The following NOP2 variants were observed in gnomAD, a reference collection of about 807,000 sequenced individuals.
NOP2 encodes the protein 28S rRNA (cytosine(4447)-C(5))-methyltransferase.
Under a neutral mutation model 72.7 loss-of-function variants are expected in NOP2, and 7 were observed. The ratio of observed to expected loss-of-function variants is 0.10; its 90% CI spans 0.05 to 0.18. NOP2 has a LOEUF of 0.18. Among genes scored for constraint, NOP2 ranks in the 10% least tolerant of loss-of-function variants. The pLI is 1.00. For missense variants in NOP2, 954 were observed against 1,014.7 expected, an observed-to-expected ratio of 0.94 and a Z score of 0.81; for synonymous variants, 387 against 388.0, an observed-to-expected ratio of 1.00 and a Z score of 0.03.
In NOP2 at chr12:6,560,949, A is replaced by G; in HGVS notation, c.1329T>C (p.Asp443=). The stretch of plus-strand genomic sequence containing the variant: ...GTCTCACCTTGGGGAACTGGCGCCC[A>G]TCATAGTGGCTGATAATGGTGTTGG... ...GVTNTIISHY[D]GRQFPKVVGG... Residue 443 remains aspartate (D), a synonymous_variant, in exon 12 of 16, where the codon GAT becomes GAC. Transcript: ENST00000322166. This position sits in a 1 kb window ranked among gnomAD's most constrained non-coding sequence, Gnocchi z 5.0. 1 of 1,613,938 alleles carries G rather than the reference A, an allele frequency of 6.2e-7. No individual in the cohort carries two copies. Among genetic ancestry groups the G allele is most frequent in the South Asian group, 1.1e-5 (1 of 91,054 alleles).
At chr12:6,568,131 T>C (rs1947836700) in intron 1 of NOP2, 76 bp downstream of exon 1, 1 of 581,522 alleles carries the variant, frequency 1.7e-6, no homozygotes, top group Non-Finnish European at 3.1e-6. Context: ...GAAACCCAGG[T>C]AGCGCACCCT....
Position 6,566,293 on chromosome 12 carries a change from G to A in NOP2, c.282C>T (p.Pro94=). 6.2e-7 allele frequency: 1 copy of A among 1,613,824 alleles called. No individual in the cohort carries two copies. The highest frequency in any genetic ancestry group is 8.5e-7 in the Non-Finnish European group (1 of 1,179,850). ...CTCGAGGAGCATTAAATAGGGACTG[G>A]GGTCCCTTCTTACCAGCTGTCTGGA... ...GAVQTAGKKG[P]QSLFNAPRGK... The change falls in exon 5 of 16, where the codon CCC becomes CCT. Residue 94 remains proline (P), a synonymous_variant. Transcript: ENST00000322166.
chr12:6,560,974 G>A lies in NOP2; in HGVS notation c.1304C>T (p.Thr435Ile), dbSNP rs1176802288. Residue 435 changes from threonine (T) to isoleucine (I), a missense_variant, in exon 12 of 16, where the codon ACC (threonine) becomes ATC (isoleucine). Thr to Ile is a moderately conservative substitution (Grantham distance 89, BLOSUM62 -1). This residue lies in a region of NOP2 where 187 missense variants were observed against 276.2 expected (regional missense o/e 0.68). Coordinates refer to ENST00000322166, the MANE Select transcript of NOP2 (RefSeq NM_001258308.2). The surrounding 1 kb of genome is among the most constrained non-coding windows in gnomAD (Gnocchi z 5.0). ...VVGNLHRLGVTNTIISHYDGR... is the reference protein window; with the variant it reads ...VVGNLHRLGVINTIISHYDGR... Reference sequence around the variant, plus strand: ...ATCATAGTGGCTGATAATGGTGTTGGTGACTCCCAGCCGATGCAAGTTGCC... The same window carrying A: ...ATCATAGTGGCTGATAATGGTGTTGATGACTCCCAGCCGATGCAAGTTGCC... 1.9e-6 allele frequency: 3 copies of A among 1,613,782 alleles called. No homozygotes were observed. Among genetic ancestry groups the A allele is most frequent in the Non-Finnish European group, 2.5e-6 (3 of 1,179,878 alleles).
chr12:6,563,979 TGCCCTTCCATCA>T (rs1487658366), intron 5 of NOP2, 33 bp from the exon 6 acceptor site: 1 of 1,606,754 alleles, frequency 6.2e-7, no homozygotes, highest in South Asian at 1.1e-5. Flanking sequence ...AATACAGGCC[TGCCCTTCCATCA>T]GCCCTTGTAG....
At chr12:6,566,016 G>T in intron 5 of NOP2, 85 bp downstream of exon 5, 1 of 1,160,262 alleles carries the variant, frequency 8.6e-7, no homozygotes, top group African/African-American at 1.5e-5. Context: ...GCTTATCCTT[G>T]CCACTAAGAA....
rs1947779418 is a variant in NOP2 at position 6,566,350 on chromosome 12, G to C, written c.239-14C>G. The C allele has an allele frequency of 2.5e-6, 4 of 1,605,254 alleles. No individual in the cohort carries two copies. Among genetic ancestry groups the C allele is most frequent in the Non-Finnish European group, 3.4e-6 (4 of 1,174,072 alleles). On this transcript the variant is annotated splice_polypyrimidine_tract_variant and intron_variant, in intron 4 of 15. Coordinates refer to ENST00000322166, the MANE Select transcript of NOP2 (RefSeq NM_001258308.2). ...CTGCAGAGATCCCTAAGGGTTTGAA[G>C]AGTCCTGGACTAATGGCAGCCACAC...
Position 6,560,282 on chromosome 12 carries a change from C to A in NOP2, c.1605G>T (p.Arg535Ser). The A allele has an allele frequency of 6.2e-7, 1 of 1,614,028 alleles. No homozygotes were observed. Among genetic ancestry groups the A allele is most frequent in the Non-Finnish European group, 8.5e-7 (1 of 1,179,900 alleles). ...GGCCCGTGGGCACCAGTCGCACATT[C>A]CTCTTTTTCAGAGCATAGTCTACCA... ...EWVVDYALKK[R>S]NVRLVPTGLD... is the part of the protein sequence containing the mutation. Residue 535 changes from arginine (R) to serine (S), a missense_variant, in exon 15 of 16, where the codon AGG becomes AGT. This residue lies in a region of NOP2 where 187 missense variants were observed against 276.2 expected (regional missense o/e 0.68). Coordinates refer to ENST00000322166, the MANE Select transcript of NOP2 (RefSeq NM_001258308.2). The surrounding 1 kb of genome is among the most constrained non-coding windows in gnomAD (Gnocchi z 5.0).
At chr12:6,561,834 G>A (rs376842174) in intron 10 of NOP2, 30 bp from the exon 11 acceptor site, 80 of 1,608,656 alleles carry the variant, frequency 5.0e-5, no homozygotes, top group Non-Finnish European at 6.3e-5. Context: ...TGTGACATGC[G>A]GTAGGGACAG....
In NOP2 at chr12:6,561,870, T is replaced by G; in HGVS notation, c.1066+14A>C. 1.2e-6 allele frequency: 2 copies of G among 1,609,456 alleles called. No homozygotes were observed. The highest frequency in any genetic ancestry group is 2.2e-5 in the South Asian group (2 of 90,052). On this transcript the variant is annotated intron_variant, in intron 10 of 15. Coordinates refer to ENST00000322166, the MANE Select transcript of NOP2 (RefSeq NM_001258308.2). The stretch of plus-strand genomic sequence containing the variant: ...GGACAGAGGTAGAAGGGCTCTTGGG[T>G]GGGGGAGACTTACCAATGGGCACAG...
Position 6,560,290 on chromosome 12 carries a change from T to C in NOP2, c.1597A>G (p.Lys533Glu). Residue 533 changes from lysine to glutamate, a missense_variant, in exon 15 of 16, where the codon AAA becomes GAA. Physicochemically the swap from Lys to Glu is moderately conservative, Grantham distance 56. Transcript: ENST00000322166. This position sits in a 1 kb window ranked among gnomAD's most constrained non-coding sequence, Gnocchi z 5.0. Reference protein sequence around the residue: ...ENEWVVDYALKKRNVRLVPTG... With the variant: ...ENEWVVDYALEKRNVRLVPTG... The stretch of plus-strand genomic sequence containing the variant: ...GGCACCAGTCGCACATTCCTCTTTT[T>C]CAGAGCATAGTCTACCACCCACTCA... The C allele has an allele frequency of 6.2e-7, 1 of 1,613,982 alleles. No individual in the cohort carries two copies. The highest frequency in any genetic ancestry group is 8.5e-7 in the Non-Finnish European group (1 of 1,179,892).
At chr12:6,563,263 C>G in intron 8 of NOP2, 52 bp downstream of exon 8, 1 of 1,539,758 alleles carries the variant, frequency 6.5e-7, no homozygotes, top group Non-Finnish European at 8.8e-7. Context: ...CCTTACACAG[C>G]GTAAGGAGGC....
intron 9 of NOP2, among the ~76,000 whole-genome samples, chr12:6,562,659 A>G (rs1037199108): frequency 6.6e-6 from 1 of 152,214 alleles, no homozygotes; most frequent in African/African-American, 2.4e-5. Context: ...TCACACCAGG[A>G]AATATACAAC....
intron 5 of NOP2, among the ~76,000 whole-genome samples, chr12:6,564,893 A>G (rs1428124815): frequency 6.6e-6 from 1 of 152,096 alleles, no homozygotes; most frequent in African/African-American, 2.4e-5. Context: ...TTACTTAAGC[A>G]TATTGTGTAT....
intron 9 of NOP2, 136 bp from the exon 10 acceptor site, chr12:6,562,107 C>G: frequency 1.5e-6 from 1 of 686,072 alleles, no homozygotes; most frequent in Non-Finnish European, 2.5e-6. Flanking sequence ...TCTCGTGCCT[C>G]AGCCTCCTGA....
chr12:6,562,213 C>T (rs968606272), intron 9 of NOP2, among the ~76,000 whole-genome samples: 8 of 152,162 alleles, frequency 5.3e-5, no homozygotes, highest in African/African-American at 1.9e-4. Flanking sequence ...TGGTCTCTAA[C>T]TCCTGACCTC....
At chr12:6,567,675 T>C in intron 2 of NOP2, 141 bp downstream of exon 2, 1 of 634,716 alleles carries the variant, frequency 1.6e-6, no homozygotes, top group Non-Finnish European at 2.7e-6. Flanking sequence ...TCTAAACGGC[T>C]GTTTCATTCA....
At chr12:6,567,974 G>T in intron 1 of NOP2, 52 bp from the exon 2 acceptor site, 1 of 1,407,292 alleles carries the variant, frequency 7.1e-7, no homozygotes, top group Non-Finnish European at 1.0e-6. Flanking sequence ...CGGAGGGAAC[G>T]GCAGAACGCA....
intron 15 of NOP2, chr12:6,558,084 T>C: frequency 2.9e-6 from 1 of 342,184 alleles, no homozygotes. Flanking sequence ...GAGGTTGCAA[T>C]GAGCTGAGAT....
Position 6,556,903 on chromosome 12 carries a change from G to T in NOP2, c.*90C>A. On this transcript the variant is annotated 3_prime_UTR_variant, in exon 16 of 16. Transcript: ENST00000322166. The stretch of plus-strand genomic sequence containing the variant: ...TTTAAAATGTGTATTAAATTTCATG[G>T]GTATGCACAGTAGAGAAGGCATCCT... 7.0e-7 allele frequency: 1 copy of T among 1,427,788 alleles called. No individual in the cohort carries two copies. The highest frequency in any genetic ancestry group is 9.6e-7 in the Non-Finnish European group (1 of 1,037,038). The allele number at this position is 1,427,788 out of a possible 1,614,324, so 88.4% of individuals were successfully genotyped here. A position where few individuals can be genotyped will look rare whatever the true frequency, so the allele number is the denominator to read the frequency against.
Sources: gnomAD v4.1 joint callset for allele counts (sites outside exome capture counted in the v4.1 genomes callset) on GRCh38, gnomAD v4.1.1 for gene constraint, gnomAD v4.1.1 regional missense constraint, Gnocchi (gnomAD v3.1) non-coding constraint, MANE v1.5 for transcripts, NCBI Gene and HGNC (gene_info 2026-07-23, HGNC 2026-07-21) for gene names.